Variants in EFHC2 observed in about 807,000 individuals in gnomAD.
EFHC2 encodes the protein EF-hand domain-containing family member C2.
A neutral mutation model predicts 52.7 loss-of-function variants in EFHC2; 18 were observed. The ratio of observed to expected loss-of-function variants is 0.34; its 90% CI spans 0.24 to 0.51. The LOEUF (loss-of-function observed/expected upper bound fraction) is 0.51. Ranked by LOEUF, EFHC2 falls within the 20% of genes least tolerant of loss-of-function variation. The pLI, the probability that EFHC2 is intolerant of heterozygous loss-of-function variation, is 0.97. For synonymous variants in EFHC2, 203 were observed against 204.1 expected (o/e 0.99, Z 0.04); for missense variants, 513 against 562.5 (o/e 0.91, Z 0.89).
At chrX:44,167,472 G>A (rs1160508421) in intron 13 of EFHC2, among the ~76,000 whole-genome samples, 1 of 112,184 alleles carries the variant, frequency 8.9e-6, no homozygotes, top group Non-Finnish European at 1.9e-5. Context: ...CTTCCTTCCT[G>A]CCCAGTTCAT....
intron 2 of EFHC2, among the ~76,000 whole-genome samples, chrX:44,283,455 T>A (rs886960957): frequency 2.7e-5 from 3 of 111,396 alleles, no homozygotes; most frequent in Non-Finnish European, 5.7e-5. Flanking sequence ...GTGCTGGGAT[T>A]ACAGGCGTAA....
intron 11 of EFHC2, among the ~76,000 whole-genome samples, chrX:44,218,082 T>A (rs981471009): frequency 9.0e-6 from 1 of 111,695 alleles, no homozygotes; most frequent in Non-Finnish European, 1.9e-5. Context: ...GGGGAGCATG[T>A]TGGATAGGAG....
At chrX:44,301,831 T>C (rs1194332454) in intron 2 of EFHC2, among the ~76,000 whole-genome samples, 2 of 112,143 alleles carry the variant, frequency 1.8e-5, no homozygotes, top group Non-Finnish European at 3.8e-5. Flanking sequence ...GGTTCACCCA[T>C]GTTGTAACAT....
intron 2 of EFHC2, among the ~76,000 whole-genome samples, chrX:44,282,893 G>T (rs1321762915): frequency 9.1e-6 from 1 of 109,725 alleles, no homozygotes; most frequent in Non-Finnish European, 1.9e-5. Flanking sequence ...GGTAAAGGAG[G>T]GGCTGGATGG....
At chrX:44,287,248 T>TAC (rs991484534) in intron 2 of EFHC2, among the ~76,000 whole-genome samples, 2 of 110,326 alleles carry the variant, frequency 1.8e-5, no homozygotes, top group African/African-American at 6.6e-5. Context: ...AAGCAAGATA[T>TAC]ACACACAATG....
At chrX:44,172,149 G>GTT (rs2036750690) in intron 13 of EFHC2, among the ~76,000 whole-genome samples, 1 of 112,126 alleles carries the variant, frequency 8.9e-6, no homozygotes, top group Non-Finnish European at 1.9e-5. Context: ...TGGGAGGCCA[G>GTT]TTCTAAGGCA....
rs1328085709 is a variant in EFHC2, at chrX:44,242,179, T to C, written c.1222A>G (p.Ile408Val). The C allele has an allele frequency of 3.3e-6, 4 of 1,206,789 alleles. No homozygotes were observed. Among genetic ancestry groups the C allele is most frequent in the Non-Finnish European group, 4.5e-6 (4 of 893,683 alleles). The change falls in exon 8 of 15, where the codon ATA becomes GTA. Residue 408 changes from isoleucine (I) to valine (V), a missense_variant. Transcript: ENST00000420999. ...GSEEDSLRNCIDLKPTPHRRN... is the reference protein window; with the variant it reads ...GSEEDSLRNCVDLKPTPHRRN... ...CGATGAGGTGTGGGCTTGAGGTCTA[T>C]GCAGTTACGGAGAGAATCCTCTTCA... is the stretch of plus-strand genomic sequence containing the variant.
At chrX:44,230,532 A>T (rs1169150418) in intron 10 of EFHC2, among the ~76,000 whole-genome samples, 2 of 110,927 alleles carry the variant, frequency 1.8e-5, no homozygotes, top group Non-Finnish European at 3.8e-5. Context: ...ATTTCCTTTC[A>T]TCTATTTCCA....
In EFHC2 at chrX:44,312,559, GTGACTTACC is replaced by G. The variant is rs748676768; in HGVS notation, c.231_231+8del. On this transcript the variant is annotated splice_donor_variant and splice_donor_5th_base_variant and coding_sequence_variant and intron_variant, in exon 2 of 15. Transcript: ENST00000420999. LOFTEE classifies it high-confidence loss of function. Reference sequence around the variant, plus strand: ...AAGACTGCATTCCTCCCAGTGTCATGTGACTTACCTGTTTATCAAAGGCTACCCATGATG... The same window carrying G: ...AAGACTGCATTCCTCCCAGTGTCATGTGTTTATCAAAGGCTACCCATGATG... The G allele has an allele frequency of 8.5e-7, 1 of 1,180,306 alleles. No individual in the cohort carries two copies. Among genetic ancestry groups the G allele is most frequent in the Non-Finnish European group, 1.1e-6 (1 of 878,413 alleles).
intron 5 of EFHC2, among the ~76,000 whole-genome samples, chrX:44,249,798 G>T (rs2037428516): frequency 8.9e-6 from 1 of 112,451 alleles, no homozygotes; most frequent in South Asian, 3.7e-4. Flanking sequence ...AGGTGCACGT[G>T]TATAAGTGTG....
intron 11 of EFHC2, among the ~76,000 whole-genome samples, chrX:44,209,351 A>T (rs1446017060): frequency 9.0e-6 from 1 of 110,661 alleles, no homozygotes; most frequent in East Asian, 2.8e-4. Context: ...AAAAGAAATC[A>T]AAGGAATCCA....
chrX:44,237,137 T>A (rs919754093), intron 8 of EFHC2, among the ~76,000 whole-genome samples: 1 of 110,487 alleles, frequency 9.1e-6, no homozygotes, highest in Admixed American at 9.6e-5. Flanking sequence ...CTGGGGAGCT[T>A]GTTAAATATA....
intron 4 of EFHC2, among the ~76,000 whole-genome samples, chrX:44,251,398 G>A (rs958245391): frequency 2.9e-5 from 3 of 103,701 alleles, no homozygotes; most frequent in Non-Finnish European, 3.9e-5. Flanking sequence ...TCGATCACTT[G>A]AGGCCAGGAG....
At chrX:44,254,666 T>G (rs1398977121) in intron 4 of EFHC2, among the ~76,000 whole-genome samples, 1 of 112,088 alleles carries the variant, frequency 8.9e-6, no homozygotes, top group East Asian at 2.8e-4. Flanking sequence ...CTGAAAGTGA[T>G]AGGGAGAATG....
Position 44,232,503 on chromosome X carries a change from T to C in EFHC2, c.1598A>G (p.Tyr533Cys). 1 of 1,132,006 alleles carries C rather than the reference T, an allele frequency of 8.8e-7. No individual in the cohort carries two copies. The highest frequency in any genetic ancestry group is 1.2e-6 in the Non-Finnish European group (1 of 854,100). The allele number at this position is 1,132,006 out of a possible 1,213,427, so 93.3% of individuals were successfully genotyped here. A position where few individuals can be genotyped will look rare whatever the true frequency, so the allele number is the denominator to read the frequency against. The change falls in exon 10 of 15, where the codon TAC (tyrosine) becomes TGC (cysteine). Residue 533 changes from tyrosine (Y) to cysteine (C), a missense_variant. Physicochemically the swap from Tyr to Cys is radical, Grantham distance 194. Coordinates refer to ENST00000420999, the MANE Select transcript of EFHC2 (RefSeq NM_025184.4). ...LLNADEYTLN[Y>C]MEQNTDKYPF... ...CACCTTATCTGTATTCTGCTCCATG[T>C]AGTTTAAGGTATACTCATCAGCATT...
chrX:44,215,894 T>C (rs2037144148), intron 11 of EFHC2, among the ~76,000 whole-genome samples: 1 of 111,343 alleles, frequency 9.0e-6, no homozygotes, highest in East Asian at 2.8e-4. Context: ...TGTATCTATA[T>C]ATATCCACAT....
chrX:44,174,998 G>A (rs1439880628), intron 13 of EFHC2, among the ~76,000 whole-genome samples: 1 of 111,754 alleles, frequency 8.9e-6, no homozygotes, highest in Non-Finnish European at 1.9e-5. Context: ...CTAGTTCCCT[G>A]ACATAGAATT....
chrX:44,270,715 C>T (rs1437642854), intron 3 of EFHC2, among the ~76,000 whole-genome samples: 5 of 111,255 alleles, frequency 4.5e-5, no homozygotes, highest in African/African-American at 1.3e-4. Context: ...ACTCATTCAT[C>T]GGTGACACCC....
At chrX:44,284,887 G>A (rs960308920) in intron 2 of EFHC2, 6 of 111,971 alleles carry the variant, frequency 5.4e-5, no homozygotes, top group Non-Finnish European at 1.1e-4. Flanking sequence ...AAGAAAAGAT[G>A]GCAATTGAGC....
Sources: gnomAD v4.1 joint callset for allele counts (sites outside exome capture counted in the v4.1 genomes callset) on GRCh38, gnomAD v4.1.1 for gene constraint, MANE v1.5 for transcripts, NCBI Gene and HGNC (gene_info 2026-07-23, HGNC 2026-07-21) for gene names.